TRIM44: variants seen among roughly 807,000 people sequenced by gnomAD.
TRIM44 encodes tripartite motif-containing protein 44.
TRIM44 carries 13 observed loss-of-function variants against 37.4 expected under a neutral mutation model. The observed-to-expected ratio is 0.35, with a 90% CI of 0.23 to 0.55. The LOEUF (loss-of-function observed/expected upper bound fraction) is 0.55, where lower values mean the gene tolerates loss of function less well. Among genes scored for constraint, TRIM44 ranks in the 20% least tolerant of loss-of-function variants. The pLI is 0.89. For synonymous variants in TRIM44, 175 were observed against 157.2 expected, an observed-to-expected ratio of 1.11 and a Z score of -0.85; for missense variants, 426 against 437.2, an observed-to-expected ratio of 0.97 and a Z score of 0.23.
chr11:35,737,871 C>T (rs1452889609), intron 4 of TRIM44, among the ~76,000 whole-genome samples: 1 of 151,990 alleles, frequency 6.6e-6, no homozygotes, highest in Non-Finnish European at 1.5e-5. Context: ...AGAAAAGAGC[C>T]TGGGAGACTA....
chr11:35,797,189 G>C (rs1452460109), intron 4 of TRIM44, among the ~76,000 whole-genome samples: 1 of 152,158 alleles, frequency 6.6e-6, no homozygotes, highest in Non-Finnish European at 1.5e-5. Flanking sequence ...ATGGAACATA[G>C]GACCCAACTA....
At chr11:35,687,475 A>G (rs985936373) in intron 2 of TRIM44, among the ~76,000 whole-genome samples, 2 of 152,254 alleles carry the variant, frequency 1.3e-5, no homozygotes, top group Non-Finnish European at 2.9e-5. Flanking sequence ...ATTAAAAGTT[A>G]CTGAAAGCTT....
At chr11:35,716,680 G>A (rs1312685115) in intron 2 of TRIM44, among the ~76,000 whole-genome samples, 1 of 152,144 alleles carries the variant, frequency 6.6e-6, no homozygotes, top group African/African-American at 2.4e-5. Context: ...AATAAAACTT[G>A]ACTCCAGAGT....
chr11:35,687,144 G>A (rs1359780546), intron 2 of TRIM44, among the ~76,000 whole-genome samples: 1 of 152,188 alleles, frequency 6.6e-6, no homozygotes, highest in African/African-American at 2.4e-5. Context: ...TGCAAACCAA[G>A]CACTGGATTT....
rs190452011 is a variant in TRIM44, at chr11:35,755,343, A to G, written c.1007+19898A>G. Among the ~76,000 whole-genome samples, 281 of 143,498 alleles carry G rather than the reference A, an allele frequency of 2.0e-3. 3 individuals carry two copies. The highest frequency in any genetic ancestry group is 6.5e-3 in the African/African-American group (270 of 41,250). 94.1% of individuals were successfully genotyped at this position (143,498 alleles called of 152,430 possible). A position where few individuals can be genotyped will look rare whatever the true frequency, so the allele number is the denominator to read the frequency against. ...TGTTCATATCTTTTGCCCACTTGTT[A>G]ATGGGGTTGTTTGTTTTTTTCTGTA... On this transcript the variant is annotated intron_variant, in intron 4 of 4. Coordinates refer to ENST00000299413, the MANE Select transcript of TRIM44 (RefSeq NM_017583.6).
At chr11:35,776,318 T>C (rs1268323847) in intron 4 of TRIM44, among the ~76,000 whole-genome samples, 1 of 152,206 alleles carries the variant, frequency 6.6e-6, no homozygotes, top group Non-Finnish European at 1.5e-5. Flanking sequence ...CTCTTCATCA[T>C]TTTTTATTGT....
intron 4 of TRIM44, among the ~76,000 whole-genome samples, chr11:35,745,867 A>C (rs961280561): frequency 9.2e-5 from 14 of 152,172 alleles, no homozygotes; most frequent in African/African-American, 3.4e-4. Context: ...ACATGGGGAG[A>C]AAGTACAAAC....
intron 4 of TRIM44, 109 bp downstream of exon 4, chr11:35,735,554 G>T: frequency 5.5e-6 from 6 of 1,092,210 alleles, no homozygotes; most frequent in Non-Finnish European, 7.0e-6. Context: ...ACAGAAAAGG[G>T]ATCTCTATCT....
At chr11:35,724,119 A>G (rs1852140495) in intron 2 of TRIM44, 1 of 152,200 alleles carries the variant, frequency 6.6e-6, no homozygotes, top group African/African-American at 2.4e-5. Context: ...GTGAGCAGAT[A>G]CATGTCATAC....
chr11:35,735,723 T>G (rs748923629), intron 4 of TRIM44, among the ~76,000 whole-genome samples: 2 of 152,146 alleles, frequency 1.3e-5, no homozygotes, highest in Non-Finnish European at 2.9e-5. Context: ...TAAATGGTAA[T>G]GTAGTATCAT....
At chr11:35,783,332 C>T (rs527886151) in intron 4 of TRIM44, among the ~76,000 whole-genome samples, 3 of 152,296 alleles carry the variant, frequency 2.0e-5, no homozygotes, top group Non-Finnish European at 2.9e-5. Context: ...GTAGATCCAG[C>T]GAATGTACCA....
chr11:35,767,994 G>T (rs1170182214), intron 4 of TRIM44, among the ~76,000 whole-genome samples: 2 of 152,162 alleles, frequency 1.3e-5, no homozygotes, highest in Non-Finnish European at 2.9e-5. Flanking sequence ...AGTTTGTAAG[G>T]CTGCTCACAG....
At chr11:35,724,510 T>C (rs1157437135) in intron 2 of TRIM44, 1 of 152,206 alleles carries the variant, frequency 6.6e-6, no homozygotes, top group African/African-American at 2.4e-5. Flanking sequence ...TCTTCCCTGC[T>C]CCCTATCTCA....
At chr11:35,684,078 A>G (rs1227310537) in intron 1 of TRIM44, among the ~76,000 whole-genome samples, 1 of 152,220 alleles carries the variant, frequency 6.6e-6, no homozygotes, top group African/African-American at 2.4e-5. Context: ...GAGGGTAAGT[A>G]ACTTGCCTAA....
At chr11:35,803,509 A>C (rs1036421009) in intron 4 of TRIM44, among the ~76,000 whole-genome samples, 1 of 152,188 alleles carries the variant, frequency 6.6e-6, no homozygotes, top group Non-Finnish European at 1.5e-5. Context: ...GGCAGGCGGA[A>C]TCACAAGGTC....
intron 2 of TRIM44, among the ~76,000 whole-genome samples, chr11:35,696,912 T>G (rs1851708112): frequency 6.6e-6 from 1 of 152,090 alleles, no homozygotes. Context: ...TGTTTCATTA[T>G]CTTTTAATAT....
In TRIM44 at chr11:35,808,206, T is replaced by TA. The variant is rs1853479518; in HGVS notation, c.*1821_*1822insA. 6.8e-4 allele frequency: 1 copy of TA among 1,478 alleles called. No homozygotes were observed. Among genetic ancestry groups the TA allele is most frequent in the Non-Finnish European group, 3.3e-3 (1 of 304 alleles). The allele number at this position is 1,478 out of a possible 1,614,324, so 0.1% of individuals were successfully genotyped here. On this transcript the variant is annotated 3_prime_UTR_variant, in exon 5 of 5. Transcript: ENST00000299413. ...TTGGGGCTGAGGGGAGTTTGAGGTGTTAAAAAAAAAAAAAAAAAAGCATTT... is the reference window on the plus strand; with the variant it reads ...TTGGGGCTGAGGGGAGTTTGAGGTGTATAAAAAAAAAAAAAAAAAAGCATTT...
intron 4 of TRIM44, among the ~76,000 whole-genome samples, chr11:35,768,570 A>C (rs1415711267): frequency 1.3e-5 from 2 of 152,202 alleles, no homozygotes; most frequent in Non-Finnish European, 2.9e-5. Context: ...GATAGAAATG[A>C]ATTCTATGTG....
At chr11:35,800,635 C>G (rs1404249540) in intron 4 of TRIM44, among the ~76,000 whole-genome samples, 1 of 152,156 alleles carries the variant, frequency 6.6e-6, no homozygotes, top group Non-Finnish European at 1.5e-5. Flanking sequence ...CTCTCAGTAC[C>G]GGGCATCAAC....
Sources: allele counts gnomAD v4.1 joint callset (sites outside exome capture counted in the v4.1 genomes callset), GRCh38; gene constraint gnomAD v4.1.1; transcripts MANE v1.5; gene names NCBI Gene and HGNC (gene_info 2026-07-23, HGNC 2026-07-21).